Variants in ZDHHC17 observed in about 807,000 individuals in gnomAD.
ZDHHC17 encodes the protein zDHHC palmitoyltransferase 17, also known as palmitoyltransferase ZDHHC17.
In ZDHHC17, 40 loss-of-function variants were observed where a neutral mutation model predicts 90.3. The ratio of observed to expected loss-of-function variants is 0.44; its 90% CI spans 0.34 to 0.58. ZDHHC17 has a LOEUF of 0.58. ZDHHC17 is among the 20% of genes least tolerant of loss of function. The pLI is 0.01. For missense variants in ZDHHC17, 614 were observed against 780.8 expected, an observed-to-expected ratio of 0.79 and a Z score of 2.55; for synonymous variants, 235 against 252.4, an observed-to-expected ratio of 0.93 and a Z score of 0.65.
In ZDHHC17 at chr12:76,853,016, C is replaced by T. The variant is rs1953583292; in HGVS notation, c.*2031C>T. ...GCATTTTTATCGAATACATTTTTAT[C>T]AACAGTTAAAGACTATGGTGGTTTT... On this transcript the variant is annotated 3_prime_UTR_variant, in exon 17 of 17. Transcript: ENST00000426126. 1 of 152,394 alleles carries T rather than the reference C, an allele frequency of 6.6e-6. No homozygotes were observed. The allele number at this position is 152,394 out of a possible 1,614,324, so 9.4% of individuals were successfully genotyped here. A position where few individuals can be genotyped will look rare whatever the true frequency, so the allele number is the denominator to read the frequency against.
chr12:76,779,956 C>G (rs1952603640), intron 1 of ZDHHC17, among the ~76,000 whole-genome samples: 2 of 151,702 alleles, frequency 1.3e-5, no homozygotes, highest in African/African-American at 4.8e-5. Context: ...TGTAAAAAAT[C>G]AGTTGAGCAT....
chr12:76,848,134 CTGTT>C lies in ZDHHC17; in HGVS notation c.1508-96_1508-93del, dbSNP rs2137808731. 1.2e-5 allele frequency: 15 copies of C among 1,247,684 alleles called. No individual in the cohort carries two copies. In the South Asian group the frequency reaches 2.2e-4, roughly 18 times the overall value. The allele number at this position is 1,247,684 out of a possible 1,614,324, so 77.3% of individuals were successfully genotyped here. On this transcript the variant is annotated intron_variant, in intron 14 of 16. Transcript: ENST00000426126. Reference sequence around the variant, plus strand: ...TTGAATGTCATCAGTTAAATCTAGACTGTTTGACTATGTTTTCTAAATGGTGCCA... The same window carrying C: ...TTGAATGTCATCAGTTAAATCTAGACTGACTATGTTTTCTAAATGGTGCCA...
rs766139991 is a variant in ZDHHC17, at chr12:76,789,707, GA to G, written c.94-7717del. ...TGTAAAGGAGTGTTGAAAGAAATCC[GA>G]AAAAAAAAATAAGGTTAGATTAAAA... is the stretch of plus-strand genomic sequence containing the variant. On this transcript the variant is annotated intron_variant, in intron 1 of 16. Coordinates refer to ENST00000426126, the MANE Select transcript of ZDHHC17 (RefSeq NM_015336.4). Among the ~76,000 whole-genome samples, 1,301 of 146,898 alleles carry G rather than the reference GA, an allele frequency of 8.9e-3. 7 individuals are homozygous for G. Among genetic ancestry groups the G allele is most frequent in the Middle Eastern group, 0.039 (11 of 284 alleles).
intron 1 of ZDHHC17, among the ~76,000 whole-genome samples, chr12:76,794,099 AT>A: frequency 6.6e-6 from 1 of 152,042 alleles, no homozygotes; most frequent in South Asian, 2.1e-4. Context: ...GTTAGCCAGG[AT>A]GGTCTCAACC....
chr12:76,803,331 A>G (rs1357633619), intron 2 of ZDHHC17, among the ~76,000 whole-genome samples: 3 of 152,156 alleles, frequency 2.0e-5, no homozygotes, highest in Non-Finnish European at 4.4e-5. Context: ...AGAGTCTGTC[A>G]TTGTCCTTTC....
intron 6 of ZDHHC17, 30 bp downstream of exon 6, chr12:76,815,240 G>A: frequency 6.9e-7 from 1 of 1,451,008 alleles, no homozygotes; most frequent in Non-Finnish European, 9.4e-7. Flanking sequence ...AACTTATTTA[G>A]GCCATTTCAG....
At chr12:76,794,943 A>G (rs1224839227) in intron 1 of ZDHHC17, among the ~76,000 whole-genome samples, 1 of 152,170 alleles carries the variant, frequency 6.6e-6, no homozygotes, top group Non-Finnish European at 1.5e-5. Context: ...GCACATTTTC[A>G]AAGTTTTTTC....
chr12:76,813,513 AT>A (rs1043558127), intron 5 of ZDHHC17: 6 of 288,890 alleles, frequency 2.1e-5, no homozygotes, highest in South Asian at 5.7e-5. Context: ...TGGTTCTCAG[AT>A]TTTTTTTCTT....
intron 12 of ZDHHC17, among the ~76,000 whole-genome samples, chr12:76,843,594 A>G (rs945561458): frequency 6.6e-6 from 1 of 152,082 alleles, no homozygotes; most frequent in Non-Finnish European, 1.5e-5. Context: ...GTTTATTATT[A>G]TAGACATTAA....
chr12:76,808,937 C>T (rs1239985525), intron 3 of ZDHHC17, 106 bp from the exon 4 acceptor site: 1 of 613,440 alleles, frequency 1.6e-6, no homozygotes, highest in East Asian at 3.6e-5. Flanking sequence ...AAGGTTCAAA[C>T]TAGCATGAGA....
At position 76,828,521 on chromosome 12, in the gene ZDHHC17, A is replaced by C. The variant is rs1325816660; in HGVS notation, c.1141+31A>C. On this transcript the variant is annotated intron_variant, in intron 10 of 16. Coordinates refer to ENST00000426126, the MANE Select transcript of ZDHHC17 (RefSeq NM_015336.4). Reference sequence around the variant, plus strand: ...CTTTGGTTATAAAGATCATACCAAAAACAAATTTTGTTTGTTATTTGAATA... The same window carrying C: ...CTTTGGTTATAAAGATCATACCAAACACAAATTTTGTTTGTTATTTGAATA... 6.9e-6 allele frequency: 11 copies of C among 1,594,924 alleles called. No individual in the cohort carries two copies. In the South Asian group the frequency reaches 1.1e-4, roughly 16 times the overall value.
At chr12:76,828,626 CT>C in intron 10 of ZDHHC17, 136 bp downstream of exon 10, 1 of 667,192 alleles carries the variant, frequency 1.5e-6, no homozygotes, top group Non-Finnish European at 2.4e-6. Flanking sequence ...ATTTAGTAAA[CT>C]AATATAAGTA....
At position 76,827,064 on chromosome 12, in the gene ZDHHC17, T is replaced by G; in HGVS notation, c.1040+14T>G. ...GTTTCTTTCAAAGTAAGTGTGTTGTTTTTAACTATATTTTAAACTGTACAT... is the reference window on the plus strand; with the variant it reads ...GTTTCTTTCAAAGTAAGTGTGTTGTGTTTAACTATATTTTAAACTGTACAT... On this transcript the variant is annotated intron_variant, in intron 9 of 16. Transcript: ENST00000426126. 1.3e-6 allele frequency: 2 copies of G among 1,547,358 alleles called. No homozygotes were observed. The highest frequency in any genetic ancestry group is 1.4e-5 in the African/African-American group (1 of 70,590).
chr12:76,771,214 T>C (rs1952488324), intron 1 of ZDHHC17, among the ~76,000 whole-genome samples: 2 of 152,158 alleles, frequency 1.3e-5, no homozygotes, highest in Admixed American at 1.3e-4. Context: ...GGATAAAATA[T>C]CTTCTTTTAA....
chr12:76,769,608 G>A (rs1303865943), intron 1 of ZDHHC17, among the ~76,000 whole-genome samples: 2 of 151,922 alleles, frequency 1.3e-5, no homozygotes, highest in Non-Finnish European at 2.9e-5. Context: ...AAAAAATTCA[G>A]CAAAAATGTT....
chr12:76,841,258 G>A (rs1953431141), intron 10 of ZDHHC17, among the ~76,000 whole-genome samples: 1 of 152,214 alleles, frequency 6.6e-6, no homozygotes, highest in South Asian at 2.1e-4. Context: ...TGTAAACAGT[G>A]GGTACACATG....
chr12:76,839,012 G>A (rs967307911), intron 10 of ZDHHC17, among the ~76,000 whole-genome samples: 7 of 152,192 alleles, frequency 4.6e-5, no homozygotes, highest in African/African-American at 1.7e-4. Context: ...GTAGCTTGCA[G>A]ATGATGACTT....
At chr12:76,841,548 G>T (rs1376517677) in intron 10 of ZDHHC17, among the ~76,000 whole-genome samples, 1 of 151,954 alleles carries the variant, frequency 6.6e-6, no homozygotes, top group Non-Finnish European at 1.5e-5. Context: ...ATCAATTTCA[G>T]TGTGTTCAAA....
At chr12:76,789,301 T>G (rs1469722635) in intron 1 of ZDHHC17, among the ~76,000 whole-genome samples, 1 of 152,226 alleles carries the variant, frequency 6.6e-6, no homozygotes, top group Admixed American at 6.5e-5. Flanking sequence ...TGTGCTAGGC[T>G]CTGTCCTAAG....
Sources: gnomAD v4.1 joint callset for allele counts (sites outside exome capture counted in the v4.1 genomes callset) on GRCh38, gnomAD v4.1.1 for gene constraint, MANE v1.5 for transcripts, NCBI Gene and HGNC (gene_info 2026-07-23, HGNC 2026-07-21) for gene names.